The following SMAD4 variants were observed in gnomAD, a reference collection of about 807,000 sequenced individuals.
The protein encoded by SMAD4 is SMAD family member 4.
In SMAD4, 7 loss-of-function variants were observed where a neutral mutation model predicts 63.2. The ratio of observed to expected loss-of-function variants is 0.11; its 90% confidence interval spans 0.06 to 0.21. SMAD4 has a LOEUF of 0.21. Ranked by LOEUF, SMAD4 falls within the 10% of genes least tolerant of loss-of-function variation. The pLI is 1.00. For missense variants in SMAD4, 312 were observed against 693.8 expected (o/e 0.45, Z 6.18); for synonymous variants, 215 against 235.4 (o/e 0.91, Z 0.79).
Position 51,067,040 on chromosome 18 carries a change from G to A in SMAD4, c.1161G>A (p.Val387=), listed in dbSNP as rs1910179760. ...ERARLHIGKG[V]QLECKGEGDV... ...TAAGGTTGCACATAGGCAAAGGTGTGCAGTTGGAATGTAAAGGTGAAGGTG... is the reference window on the plus strand; with the variant it reads ...TAAGGTTGCACATAGGCAAAGGTGTACAGTTGGAATGTAAAGGTGAAGGTG... Residue 387 remains valine (V), a synonymous_variant, in exon 10 of 12, where the codon GTG becomes GTA. Coordinates refer to ENST00000342988, the MANE Select transcript of SMAD4 (RefSeq NM_005359.6). 6.2e-7 allele frequency: 1 copy of A among 1,613,734 alleles called. No homozygotes were observed. The highest frequency in any genetic ancestry group is 8.5e-7 in the Non-Finnish European group (1 of 1,179,652).
At chr18:51,048,892 A>G in intron 3 of SMAD4, 32 bp downstream of exon 3, 1 of 1,580,664 alleles carries the variant, frequency 6.3e-7, no homozygotes, top group Non-Finnish European at 8.7e-7. Flanking sequence ...CCTAAGAAAC[A>G]TAAAGGGAAA....
chr18:51,042,689 C>A (rs1027574237), intron 1 of SMAD4, among the ~76,000 whole-genome samples: 1 of 151,818 alleles, frequency 6.6e-6, no homozygotes, highest in Non-Finnish European at 1.5e-5. Context: ...AGCCACTGTA[C>A]CCGGACTTGG....
intron 1 of SMAD4, among the ~76,000 whole-genome samples, chr18:51,037,027 GCACATGCCTGTAATCCCAGCTACT>G (rs1346211801): frequency 6.6e-6 from 1 of 152,082 alleles, no homozygotes; most frequent in Admixed American, 6.5e-5. Context: ...GGGCATGGTG[GCACATGCCTGTAATCCCAGCTACT>G]CACATGCCTG....
At chr18:51,044,417 G>A (rs1012884268) in intron 1 of SMAD4, among the ~76,000 whole-genome samples, 20 of 151,188 alleles carry the variant, frequency 1.3e-4, no homozygotes, top group Non-Finnish European at 1.5e-5. Context: ...TTTGAGATAG[G>A]GTCTCACTGT....
rs1910618794 is a variant in SMAD4, at chr18:51,081,824, T to G, written c.*3357T>G. On this transcript the variant is annotated 3_prime_UTR_variant, in exon 12 of 12. Coordinates refer to ENST00000342988, the MANE Select transcript of SMAD4 (RefSeq NM_005359.6). ...GCAGGTATCTTTGACTATGGTCATC[T>G]GGGGAAGGAAAATTTTACATTTTAC... 1.7e-5 allele frequency: 4 copies of G among 232,548 alleles called. No individual in the cohort carries two copies. Among genetic ancestry groups the G allele is most frequent in the Non-Finnish European group, 2.6e-5 (3 of 117,616 alleles). 14.4% of individuals were successfully genotyped at this position (232,548 alleles called of 1,614,324 possible).
chr18:51,057,972 AG>A (rs1166381944), intron 5 of SMAD4, among the ~76,000 whole-genome samples, 152 bp from the exon 6 acceptor site: 2 of 152,232 alleles, frequency 1.3e-5, no homozygotes, highest in Non-Finnish European at 2.9e-5. Context: ...AGATGACTGT[AG>A]GTTTTTTACC....
rs775710169 is a variant in SMAD4, at chr18:51,084,006, GCGCGCGCACACA to G, written c.*5541_*5552del. On this transcript the variant is annotated 3_prime_UTR_variant, in exon 12 of 12. Coordinates refer to ENST00000342988, the MANE Select transcript of SMAD4 (RefSeq NM_005359.6). ...AAACACTTAACGCGCGTGCGCACGC[GCGCGCGCACACA>G]CACACACACACACACACACACACAC... The G allele has an allele frequency of 0.31, 62,817 of 201,372 alleles. 6,632 individuals carry two copies. Among genetic ancestry groups the G allele is most frequent in the East Asian group, 0.37 (5,706 of 15,338 alleles). The allele number at this position is 201,372 out of a possible 1,614,324, so 12.5% of individuals were successfully genotyped here. A position where few individuals can be genotyped will look rare whatever the true frequency, so the allele number is the denominator to read the frequency against.
Position 51,081,143 on chromosome 18 carries a change from A to C in SMAD4, c.*2676A>C, listed in dbSNP as rs563979705. The C allele has an allele frequency of 3.2e-5, 7 of 220,328 alleles. No homozygotes were observed. Among genetic ancestry groups the C allele is most frequent in the African/African-American group, 1.6e-4 (7 of 44,766 alleles). 13.6% of individuals were successfully genotyped at this position (220,328 alleles called of 1,614,324 possible). A position where few individuals can be genotyped will look rare whatever the true frequency, so the allele number is the denominator to read the frequency against. On this transcript the variant is annotated 3_prime_UTR_variant, in exon 12 of 12. Coordinates refer to ENST00000342988, the MANE Select transcript of SMAD4 (RefSeq NM_005359.6). ...AGTCATCTTTGATGAATAAGACTAA[A>C]GATTCTCACAGGTTTAAAATTTTAT...
rs1454614785 is a variant in SMAD4, at chr18:51,082,518, C to A, written c.*4051C>A. The A allele has an allele frequency of 4.4e-6, 1 of 228,840 alleles. No individual in the cohort carries two copies. Among genetic ancestry groups the A allele is most frequent in the Non-Finnish European group, 8.7e-6 (1 of 115,356 alleles). 14.2% of individuals were successfully genotyped at this position (228,840 alleles called of 1,614,324 possible). On this transcript the variant is annotated 3_prime_UTR_variant, in exon 12 of 12. Transcript: ENST00000342988. The stretch of plus-strand genomic sequence containing the variant: ...AATCACTGTGGAGTGAAATTTTCCA[C>A]ATCATCCAGAATTGCCTTATTTAAG...
chr18:51,071,948 C>A (rs1165465789), intron 10 of SMAD4, among the ~76,000 whole-genome samples: 3 of 152,184 alleles, frequency 2.0e-5, no homozygotes, highest in Non-Finnish European at 4.4e-5. Flanking sequence ...CATACCAATT[C>A]TTCACTCCTT....
chr18:51,074,675 ATTTAC>A (rs943490831), intron 10 of SMAD4, among the ~76,000 whole-genome samples: 6 of 152,274 alleles, frequency 3.9e-5, no homozygotes, highest in Admixed American at 2.6e-4. Context: ...AAGTTTATTA[ATTTAC>A]TTCTTTAAAA....
chr18:51,055,006 A>G lies in SMAD4; in HGVS notation c.667+13A>G, dbSNP rs1909804604. 1 of 1,596,222 alleles carries G rather than the reference A, an allele frequency of 6.3e-7. No homozygotes were observed. The highest frequency in any genetic ancestry group is 1.1e-5 in the South Asian group (1 of 90,778). ...GTGGCTTCCACAAGTGAGTTCTAGA[A>G]TCAGATGTAGTCAGCAAGTTGAGTT... is the stretch of plus-strand genomic sequence containing the variant. On this transcript the variant is annotated intron_variant, in intron 5 of 11. Coordinates refer to ENST00000342988, the MANE Select transcript of SMAD4 (RefSeq NM_005359.6).
At position 51,056,217 on chromosome 18, in the gene SMAD4, G is replaced by C. The variant is rs547557553; in HGVS notation, c.667+1224G>C. Among the ~76,000 whole-genome samples the C allele has an allele frequency of 3.0e-4, 46 of 152,254 alleles. 1 individual carries two copies. The highest frequency in any genetic ancestry group is 1.0e-3 in the African/African-American group (43 of 41,550). On this transcript the variant is annotated intron_variant, in intron 5 of 11. Transcript: ENST00000342988. ...AAAAGAAGGTACATTATAGCCACTT[G>C]AACGTAGATTAGTGCTAGAGCACAG... is the stretch of plus-strand genomic sequence containing the variant.
intron 5 of SMAD4, among the ~76,000 whole-genome samples, chr18:51,056,797 G>C (rs574749945): frequency 6.6e-6 from 1 of 152,156 alleles, no homozygotes; most frequent in South Asian, 2.1e-4. Flanking sequence ...ATTCAGTATG[G>C]ATAACTACAG....
In SMAD4 at chr18:51,048,876, T is replaced by G. The variant is rs1371061901; in HGVS notation, c.424+16T>G. The G allele has an allele frequency of 6.2e-7, 1 of 1,604,326 alleles. No individual in the cohort carries two copies. Among genetic ancestry groups the G allele is most frequent in the South Asian group, 1.1e-5 (1 of 90,880 alleles). On this transcript the variant is annotated intron_variant, in intron 3 of 11. Transcript: ENST00000342988. ...CCTGGAATTGGTAAGTAGACTTTGCTTTCATCCTAAGAAACATAAAGGGAA... is the reference window on the plus strand; with the variant it reads ...CCTGGAATTGGTAAGTAGACTTTGCGTTCATCCTAAGAAACATAAAGGGAA...
At chr18:51,073,394 C>T (rs35774297) in intron 10 of SMAD4, among the ~76,000 whole-genome samples, 6,998 of 30,150 alleles carry the variant, frequency 0.23, 226 homozygotes, top group Non-Finnish European at 0.3. Context: ...TATATACACA[C>T]ACACACACAC....
Position 51,083,204 on chromosome 18 carries a change from A to T in SMAD4, c.*4737A>T. The T allele has an allele frequency of 4.4e-6, 1 of 227,422 alleles. No homozygotes were observed. The highest frequency in any genetic ancestry group is 8.7e-6 in the Non-Finnish European group (1 of 114,440). 14.1% of individuals were successfully genotyped at this position (227,422 alleles called of 1,614,324 possible). ...CAGAGGCAATACCGTTGTCTGGAGG[A>T]CACCAGCAAACAACACACAACAAAG... On this transcript the variant is annotated 3_prime_UTR_variant, in exon 12 of 12. Coordinates refer to ENST00000342988, the MANE Select transcript of SMAD4 (RefSeq NM_005359.6).
In SMAD4 at chr18:51,082,448, A is replaced by T. The variant is rs1910632784; in HGVS notation, c.*3981A>T. ...GCATCCTAGGCCCAGCCTTATCCCT[A>T]GCAGTTGTCCCAGTGCTGCTAGGTT... On this transcript the variant is annotated 3_prime_UTR_variant, in exon 12 of 12. Coordinates refer to ENST00000342988, the MANE Select transcript of SMAD4 (RefSeq NM_005359.6). 1 of 229,322 alleles carries T rather than the reference A, an allele frequency of 4.4e-6. No homozygotes were observed. The highest frequency in any genetic ancestry group is 5.7e-5 in the Admixed American group (1 of 17,660). The allele number at this position is 229,322 out of a possible 1,614,324, so 14.2% of individuals were successfully genotyped here.
chr18:51,038,263 C>T lies in SMAD4; in HGVS notation c.-128+7640C>T, dbSNP rs61232213. On this transcript the variant is annotated intron_variant, in intron 1 of 11. Transcript: ENST00000342988. ...CAGAGCGAGACTGTGGGGGGGGGGG[C>T]AGTATGAGGAAGTGTGTCAACACTG... Among the ~76,000 whole-genome samples, 494 of 141,822 alleles carry T rather than the reference C, an allele frequency of 3.5e-3. 5 individuals are homozygous for T. Among genetic ancestry groups the T allele is most frequent in the African/African-American group, 0.012 (470 of 39,296 alleles). The allele number at this position is 141,822 out of a possible 152,430, so 93.0% of individuals were successfully genotyped here.
Sources: gnomAD v4.1 joint callset for allele counts (sites outside exome capture counted in the v4.1 genomes callset) on GRCh38, gnomAD v4.1.1 for gene constraint, MANE v1.5 for transcripts, NCBI Gene and HGNC (gene_info 2026-07-23, HGNC 2026-07-21) for gene names.